PI15: variants seen among roughly 807,000 people sequenced by gnomAD.
PI15 encodes 25 kDa trypsin inhibitor.
In PI15, 18 loss-of-function variants were observed where a neutral mutation model predicts 31.0. The observed-to-expected ratio is 0.58, with a 90% CI of 0.40 to 0.86. The LOEUF is 0.86. Ranked by LOEUF, PI15 falls within the 40% of genes least tolerant of loss-of-function variation. The pLI, the probability that PI15 is intolerant of heterozygous loss-of-function variation, is 0.00. For synonymous variants in PI15, 118 were observed against 119.1 expected (o/e 0.99, Z 0.06); for missense variants, 282 against 328.1 (o/e 0.86, Z 1.09).
chr8:74,845,496 A>G lies in PI15; in HGVS notation c.640A>G (p.Lys214Glu), dbSNP rs1045832891. The change falls in exon 5 of 6, where the codon AAG becomes GAG. Residue 214 changes from lysine (K) to glutamate (E), a missense_variant and splice_region_variant. Lys to Glu is a moderately conservative substitution (Grantham distance 56, BLOSUM62 1). Transcript: ENST00000260113. ...AVYLVCNYAP[K>E]GNWIGEAPYK... ...TTACTTGGTATGCAACTATGCCCCAAAGTAAGTACCAGGTTGGATTCTATT... is the reference window on the plus strand; with the variant it reads ...TTACTTGGTATGCAACTATGCCCCAGAGTAAGTACCAGGTTGGATTCTATT... 1 of 1,574,082 alleles carries G rather than the reference A, an allele frequency of 6.4e-7. No individual in the cohort carries two copies. Among genetic ancestry groups the G allele is most frequent in the African/African-American group, 1.3e-5 (1 of 74,082 alleles).
At chr8:74,835,785 T>A (rs541204066) in intron 2 of PI15, among the ~76,000 whole-genome samples, 1 of 152,226 alleles carries the variant, frequency 6.6e-6, no homozygotes, top group Admixed American at 6.5e-5. Context: ...CATTTAATGA[T>A]GCATAGACTT....
rs115528260 is a variant in PI15, at chr8:74,835,912, T to A, written c.274-8069T>A. The stretch of plus-strand genomic sequence containing the variant: ...TTCATTAATTTATCTATTAAGGCTG[T>A]ATTGAGCACACCCTTAGTGTCTCTT... On this transcript the variant is annotated intron_variant, in intron 2 of 5. Transcript: ENST00000260113. 2.9e-3 allele frequency among the ~76,000 whole-genome samples: 449 copies of A among 152,340 alleles called. 2 individuals are homozygous for A. The highest frequency in any genetic ancestry group is 9.5e-3 in the African/African-American group (394 of 41,576).
Position 74,841,074 on chromosome 8 carries a change from G to A in PI15, c.274-2907G>A, listed in dbSNP as rs117087747. 9.8e-3 allele frequency among the ~76,000 whole-genome samples: 1,483 copies of A among 151,902 alleles called. 12 individuals are homozygous for A. The highest frequency in any genetic ancestry group is 0.041 in the Middle Eastern group (12 of 294). ...GAGTATAAAGGTAGGATTACATATG[G>A]TAAATTACTTTTAAAGTTGTTAAAT... is the stretch of plus-strand genomic sequence containing the variant. On this transcript the variant is annotated intron_variant, in intron 2 of 5. Coordinates refer to ENST00000260113, the MANE Select transcript of PI15 (RefSeq NM_015886.5).
At chr8:74,832,917 CAAT>C (rs1255668879) in intron 2 of PI15, among the ~76,000 whole-genome samples, 1 of 152,076 alleles carries the variant, frequency 6.6e-6, no homozygotes, top group Non-Finnish European at 1.5e-5. Flanking sequence ...CTCAAGGACA[CAAT>C]AATGTTTTCT....
In PI15 at chr8:74,844,100, GT is replaced by G; in HGVS notation, c.392+2del. The G allele has an allele frequency of 1.5e-6, 2 of 1,297,714 alleles. No homozygotes were observed. Among genetic ancestry groups the G allele is most frequent in the East Asian group, 2.3e-5 (1 of 43,434 alleles). 80.4% of individuals were successfully genotyped at this position (1,297,714 alleles called of 1,614,324 possible). ...AAAATCTATCTGTACGCACTGGAAG[GT>G]AGGAAGTAATTTCACTGATGCAGTT... On this transcript the variant is annotated splice_donor_variant, in intron 3 of 5. Coordinates refer to ENST00000260113, the MANE Select transcript of PI15 (RefSeq NM_015886.5). LOFTEE classifies it high-confidence loss of function.
intron 5 of PI15, among the ~76,000 whole-genome samples, chr8:74,846,970 G>A (rs1021224018): frequency 6.6e-6 from 1 of 152,036 alleles, no homozygotes; most frequent in African/African-American, 2.4e-5. Flanking sequence ...AATAAAATCT[G>A]AGATTTATGT....
At chr8:74,845,328 C>A in intron 4 of PI15, 54 bp from the exon 5 acceptor site, 1 of 1,576,988 alleles carries the variant, frequency 6.3e-7, no homozygotes, top group Non-Finnish European at 8.7e-7. Context: ...TTTTGGTGGA[C>A]ATGCATTGTC....
At chr8:74,844,153 A>G (rs540191403) in intron 3 of PI15, 54 bp downstream of exon 3, 82 of 821,210 alleles carry the variant, frequency 1.0e-4, no homozygotes, top group Middle Eastern at 6.7e-4. Flanking sequence ...TTAATTATGG[A>G]CTCTAGGAGG....
At position 74,852,504 on chromosome 8, in the gene PI15, C is replaced by T. The variant is rs1811122296; in HGVS notation, c.*3251C>T. The T allele has an allele frequency of 6.6e-6, 1 of 152,056 alleles. No homozygotes were observed. The highest frequency in any genetic ancestry group is 2.4e-5 in the African/African-American group (1 of 41,420). The allele number at this position is 152,056 out of a possible 1,614,324, so 9.4% of individuals were successfully genotyped here. On this transcript the variant is annotated 3_prime_UTR_variant, in exon 6 of 6. Coordinates refer to ENST00000260113, the MANE Select transcript of PI15 (RefSeq NM_015886.5). ...GTATCATCCCTTCTGTGGCCCATCACGCAGCAGAGTTGCCCTACAAATTTC... is the reference window on the plus strand; with the variant it reads ...GTATCATCCCTTCTGTGGCCCATCATGCAGCAGAGTTGCCCTACAAATTTC...
rs1811132481 is a variant in PI15 at position 74,853,269 on chromosome 8, G to A, written c.*4016G>A. The A allele has an allele frequency of 6.6e-6, 1 of 152,398 alleles. No individual in the cohort carries two copies. The highest frequency in any genetic ancestry group is 1.5e-5 in the Non-Finnish European group (1 of 67,926). The allele number at this position is 152,398 out of a possible 1,614,324, so 9.4% of individuals were successfully genotyped here. On this transcript the variant is annotated 3_prime_UTR_variant, in exon 6 of 6. Coordinates refer to ENST00000260113, the MANE Select transcript of PI15 (RefSeq NM_015886.5). ...TATCTATTCTGGTGCTAAATGTATG[G>A]TGCTAAATGAATTGTTAGTGTTGAT...
intron 5 of PI15, 51 bp from the exon 6 acceptor site, chr8:74,849,067 T>A (rs752945036): frequency 6.4e-7 from 1 of 1,560,982 alleles, no homozygotes; most frequent in Non-Finnish European, 8.7e-7. Flanking sequence ...AATCTACTTT[T>A]AAAAAATGGG....
In PI15 at chr8:74,825,427, C is replaced by T. The variant is rs558262570; in HGVS notation, c.178C>T (p.Arg60Cys). 6.2e-6 allele frequency: 10 copies of T among 1,612,642 alleles called. No individual in the cohort carries two copies. The highest frequency in any genetic ancestry group is 4.5e-5 in the East Asian group (2 of 44,822). Residue 60 changes from arginine to cysteine, a missense_variant, in exon 2 of 6, where the codon CGC becomes TGC. Arg to Cys is a radical substitution (Grantham distance 180). Coordinates refer to ENST00000260113, the MANE Select transcript of PI15 (RefSeq NM_015886.5). ...SADIPKARRK[R>C]YISQNDMIAI... ...GGATATCCCCAAAGCCAGGCGGAAGCGCTACATTTCGCAGAATGACATGAT... is the reference window on the plus strand; with the variant it reads ...GGATATCCCCAAAGCCAGGCGGAAGTGCTACATTTCGCAGAATGACATGAT...
At chr8:74,847,194 C>T (rs1178709322) in intron 5 of PI15, among the ~76,000 whole-genome samples, 1 of 152,034 alleles carries the variant, frequency 6.6e-6, no homozygotes, top group African/African-American at 2.4e-5. Flanking sequence ...TCCTGTAATC[C>T]CAGCACTTTG....
At chr8:74,840,960 A>G (rs985135348) in intron 2 of PI15, among the ~76,000 whole-genome samples, 7 of 152,178 alleles carry the variant, frequency 4.6e-5, no homozygotes, top group Non-Finnish European at 8.8e-5. Context: ...ATAGTTAACA[A>G]AGGATGGTCT....
intron 2 of PI15, among the ~76,000 whole-genome samples, chr8:74,833,584 A>G (rs1244323717): frequency 6.6e-6 from 1 of 152,096 alleles, no homozygotes; most frequent in Non-Finnish European, 1.5e-5. Context: ...GACTGATTCT[A>G]CCACCATTCC....
intron 2 of PI15, among the ~76,000 whole-genome samples, chr8:74,830,353 TTTTA>T (rs1225484079): frequency 6.6e-6 from 1 of 152,168 alleles, no homozygotes; most frequent in Admixed American, 6.6e-5. Context: ...ACAGTATCTC[TTTTA>T]TTTGTTTGAT....
At chr8:74,844,622 T>A (rs1810997491) in intron 3 of PI15, among the ~76,000 whole-genome samples, 1 of 152,172 alleles carries the variant, frequency 6.6e-6, no homozygotes, top group Non-Finnish European at 1.5e-5. Context: ...TTTGCTAGGA[T>A]AATTTTTCTG....
In PI15 at chr8:74,853,704, AT is replaced by A. The variant is rs1811139157; in HGVS notation, c.*4452del. On this transcript the variant is annotated 3_prime_UTR_variant, in exon 6 of 6. Transcript: ENST00000260113. ...ATTAGAATTATCATATGTTTCCTAC[AT>A]CTGACAGCACCTAAAATGTTTGATA... 1.3e-5 allele frequency: 2 copies of A among 152,498 alleles called. No individual in the cohort carries two copies. The highest frequency in any genetic ancestry group is 4.8e-5 in the African/African-American group (2 of 41,440). 9.4% of individuals were successfully genotyped at this position (152,498 alleles called of 1,614,324 possible).
intron 2 of PI15, among the ~76,000 whole-genome samples, chr8:74,832,527 CTG>C (rs1444861946): frequency 6.6e-6 from 1 of 152,002 alleles, no homozygotes; most frequent in Non-Finnish European, 1.5e-5. Context: ...ATACCCCCCT[CTG>C]TTTTTTTAAT....
Sources: allele counts gnomAD v4.1 joint callset (sites outside exome capture counted in the v4.1 genomes callset), GRCh38; gene constraint gnomAD v4.1.1; transcripts MANE v1.5; gene names NCBI Gene and HGNC (gene_info 2026-07-23, HGNC 2026-07-21).